ATP6V0D2: variants seen among roughly 807,000 people sequenced by gnomAD.
The protein encoded by ATP6V0D2 is V-type proton ATPase subunit d 2.
Under a neutral mutation model 40.0 loss-of-function variants are expected in ATP6V0D2, and 40 were observed. The ratio of observed to expected loss-of-function variants is 1.00; its 90% confidence interval spans 0.78 to 1.30. The LOEUF (loss-of-function observed/expected upper bound fraction) is 1.30, where lower values mean the gene tolerates loss of function less well. ATP6V0D2 is among the 50% of genes most tolerant of loss of function. The pLI is 0.00. For synonymous variants in ATP6V0D2, 179 were observed against 156.3 expected (o/e 1.15, Z -1.08); for missense variants, 470 against 423.1 (o/e 1.11, Z -0.97).
At chr8:86,116,253 G>T (rs539422252) in intron 2 of ATP6V0D2, among the ~76,000 whole-genome samples, 49 of 152,078 alleles carry the variant, frequency 3.2e-4, no homozygotes, top group Non-Finnish European at 6.3e-4. Context: ...TTACATGTAC[G>T]TGTGTCTATT....
chr8:86,118,026 C>CTTTCT (rs1237673139), intron 2 of ATP6V0D2, among the ~76,000 whole-genome samples: 25 of 108,540 alleles, frequency 2.3e-4, no homozygotes, highest in Admixed American at 1.2e-3. Context: ...TTCTTTCTTT[C>CTTTCT]TTTTTTTTTC....
intron 2 of ATP6V0D2, among the ~76,000 whole-genome samples, chr8:86,125,478 G>C (rs1366385861): frequency 6.6e-6 from 1 of 152,130 alleles, no homozygotes; most frequent in Non-Finnish European, 1.5e-5. Context: ...AAAAATGAAA[G>C]AGGTTTTTTA....
chr8:86,112,135 G>A (rs1209570086), intron 1 of ATP6V0D2, among the ~76,000 whole-genome samples: 1 of 152,152 alleles, frequency 6.6e-6, no homozygotes, highest in Non-Finnish European at 1.5e-5. Context: ...TCTGCATAAG[G>A]AGTCACAGGT....
chr8:86,145,127 C>T (rs1051867040), intron 5 of ATP6V0D2, among the ~76,000 whole-genome samples: 1 of 149,564 alleles, frequency 6.7e-6, no homozygotes, highest in African/African-American at 2.5e-5. Flanking sequence ...GAGATCGTGC[C>T]ACTGCTCTCC....
chr8:86,110,320 C>G (rs1818515272), intron 1 of ATP6V0D2, among the ~76,000 whole-genome samples: 1 of 152,212 alleles, frequency 6.6e-6, no homozygotes, highest in African/African-American at 2.4e-5. Context: ...GTCTTGAACT[C>G]CTTACCTCAA....
intron 2 of ATP6V0D2, among the ~76,000 whole-genome samples, chr8:86,138,836 C>G (rs112720433): frequency 5.3e-5 from 8 of 152,216 alleles, no homozygotes; most frequent in Non-Finnish European, 1.2e-4. Context: ...CCTCACCCCC[C>G]ACCATCACAT....
rs10095107 is a variant in ATP6V0D2 at position 86,152,657 on chromosome 8, T to C, written c.892-159T>C. On this transcript the variant is annotated intron_variant, in intron 7 of 7. Transcript: ENST00000285393. ...GAGTGACACTCTCTCTTTAGAACTT[T>C]CTGAGTTGTCACCATACTCCTCTAT... 0.056 allele frequency among the ~76,000 whole-genome samples: 8,489 copies of C among 152,272 alleles called. 774 individuals carry two copies. Among genetic ancestry groups the C allele is most frequent in the African/African-American group, 0.19 (7,968 of 41,518 alleles).
Position 86,153,239 on chromosome 8 carries a change from T to C in ATP6V0D2, c.*262T>C, listed in dbSNP as rs960028619. The C allele has an allele frequency of 4.2e-6, 1 of 236,830 alleles. No homozygotes were observed. Among genetic ancestry groups the C allele is most frequent in the African/African-American group, 2.2e-5 (1 of 44,612 alleles). The allele number at this position is 236,830 out of a possible 1,614,324, so 14.7% of individuals were successfully genotyped here. A position where few individuals can be genotyped will look rare whatever the true frequency, so the allele number is the denominator to read the frequency against. On this transcript the variant is annotated 3_prime_UTR_variant, in exon 8 of 8. Coordinates refer to ENST00000285393, the MANE Select transcript of ATP6V0D2 (RefSeq NM_152565.1). ...AGGTTAGTTTTAATTAACTCTATGG[T>C]ATTTTTCTTATTCTTGTTTGATCAT...
At chr8:86,144,589 AC>A (rs1243785614) in intron 5 of ATP6V0D2, among the ~76,000 whole-genome samples, 1 of 152,236 alleles carries the variant, frequency 6.6e-6, no homozygotes, top group East Asian at 1.9e-4. Flanking sequence ...TTGGTTGATG[AC>A]TTCTGATATA....
chr8:86,113,036 G>C (rs1818544414), intron 1 of ATP6V0D2, among the ~76,000 whole-genome samples: 1 of 151,914 alleles, frequency 6.6e-6, no homozygotes, highest in Non-Finnish European at 1.5e-5. Flanking sequence ...TTTCCATCAA[G>C]TTGGGATGGA....
intron 2 of ATP6V0D2, among the ~76,000 whole-genome samples, chr8:86,130,394 G>C (rs1167202156): frequency 6.6e-6 from 1 of 151,964 alleles, no homozygotes; most frequent in Non-Finnish European, 1.5e-5. Context: ...ACTGGGTATG[G>C]GGTATATGGA....
intron 2 of ATP6V0D2, among the ~76,000 whole-genome samples, chr8:86,131,866 T>C (rs377084497): frequency 3.3e-5 from 5 of 152,154 alleles, no homozygotes; most frequent in Non-Finnish European, 5.9e-5. Flanking sequence ...AAACCTATCT[T>C]AGTGAATAAT....
At chr8:86,136,947 C>T (rs1818905473) in intron 2 of ATP6V0D2, among the ~76,000 whole-genome samples, 1 of 152,200 alleles carries the variant, frequency 6.6e-6, no homozygotes, top group Admixed American at 6.5e-5. Flanking sequence ...GCCTTGTCAA[C>T]TGCCTCCTCC....
rs144379159 is a variant in ATP6V0D2 at position 86,147,443 on chromosome 8, C to G, written c.640-2669C>G. Among the ~76,000 whole-genome samples, 131 of 152,232 alleles carry G rather than the reference C, an allele frequency of 8.6e-4. 1 individual carries two copies. The highest frequency in any genetic ancestry group is 2.7e-3 in the African/African-American group (114 of 41,546). ...AAGTCATGGGACTGCCAACATACAC[C>G]ATACCACACAGCGTGCCAACTCTCT... is the stretch of plus-strand genomic sequence containing the variant. On this transcript the variant is annotated intron_variant, in intron 5 of 7. Transcript: ENST00000285393.
intron 1 of ATP6V0D2, among the ~76,000 whole-genome samples, chr8:86,112,377 C>T (rs985746669): frequency 7.9e-5 from 12 of 152,194 alleles, no homozygotes; most frequent in African/African-American, 2.4e-4. Flanking sequence ...GTCAGGAATA[C>T]CTGGCTTGGA....
intron 1 of ATP6V0D2, among the ~76,000 whole-genome samples, chr8:86,107,625 G>A (rs1041065691): frequency 1.3e-5 from 2 of 152,170 alleles, no homozygotes; most frequent in Non-Finnish European, 2.9e-5. Flanking sequence ...TTTTTAATCT[G>A]CCTAAAACTT....
At chr8:86,102,255 C>T (rs1452956919) in intron 1 of ATP6V0D2, among the ~76,000 whole-genome samples, 1 of 152,202 alleles carries the variant, frequency 6.6e-6, no homozygotes, top group Non-Finnish European at 1.5e-5. Context: ...GTGTGAACAG[C>T]AGTTCAACTG....
At chr8:86,117,758 C>T (rs556596145) in intron 2 of ATP6V0D2, among the ~76,000 whole-genome samples, 4 of 152,214 alleles carry the variant, frequency 2.6e-5, no homozygotes, top group Admixed American at 2.0e-4. Flanking sequence ...CCTGGAAATA[C>T]GGTAGAATTT....
chr8:86,145,255 G>T lies in ATP6V0D2; in HGVS notation c.639+2301G>T, dbSNP rs12675892. 5.7e-3 allele frequency among the ~76,000 whole-genome samples: 294 copies of T among 51,876 alleles called. 26 individuals carry two copies. The highest frequency in any genetic ancestry group is 0.029 in the African/African-American group (274 of 9,346). The allele number at this position is 51,876 out of a possible 152,430, so 34.0% of individuals were successfully genotyped here. A position where few individuals can be genotyped will look rare whatever the true frequency, so the allele number is the denominator to read the frequency against. ...AGAAAGAGAGAGAGAGAGAGAGAGAGAGAAAGAAAGAAAGAAAGAAAGAAA... is the reference window on the plus strand; with the variant it reads ...AGAAAGAGAGAGAGAGAGAGAGAGATAGAAAGAAAGAAAGAAAGAAAGAAA... On this transcript the variant is annotated intron_variant, in intron 5 of 7. Coordinates refer to ENST00000285393, the MANE Select transcript of ATP6V0D2 (RefSeq NM_152565.1).
Sources: allele counts gnomAD v4.1 joint callset (sites outside exome capture counted in the v4.1 genomes callset), GRCh38; gene constraint gnomAD v4.1.1; transcripts MANE v1.5; gene names NCBI Gene and HGNC (gene_info 2026-07-23, HGNC 2026-07-21).